ANGPTL3: variants seen among roughly 807,000 people sequenced by gnomAD.
ANGPTL3 encodes the protein angiopoietin like 3.
ANGPTL3 carries 51 observed loss-of-function variants against 52.7 expected under a neutral mutation model. The observed-to-expected ratio is 0.97, with a 90% CI of 0.77 to 1.22. The LOEUF (loss-of-function observed/expected upper bound fraction) is 1.22, where lower values mean the gene tolerates loss of function less well. Ranked by LOEUF, ANGPTL3 falls within the 50% of genes most tolerant of loss-of-function variation. The pLI is 0.00. For missense variants in ANGPTL3, 506 were observed against 520.7 expected, an observed-to-expected ratio of 0.97 and a Z score of 0.27; for synonymous variants, 185 against 179.8, an observed-to-expected ratio of 1.03 and a Z score of -0.23.
Position 62,598,824 on chromosome 1 carries a change from T to G in ANGPTL3, c.606+18T>G. ...AAAATCAGGTAAGTCAGTATTTTAA[T>G]GGTATGTCCCATCTTTCACACAGGT... On this transcript the variant is annotated intron_variant, in intron 2 of 6. Transcript: ENST00000371129. The G allele has an allele frequency of 7.0e-7, 1 of 1,430,338 alleles. No individual in the cohort carries two copies. Among genetic ancestry groups the G allele is most frequent in the Admixed American group, 1.7e-5 (1 of 59,368 alleles). The allele number at this position is 1,430,338 out of a possible 1,614,324, so 88.6% of individuals were successfully genotyped here.
chr1:62,602,700 T>C (rs1650332472), intron 5 of ANGPTL3, among the ~76,000 whole-genome samples: 1 of 151,666 alleles, frequency 6.6e-6, no homozygotes, highest in Admixed American at 6.6e-5. Flanking sequence ...TAGTAACTGT[T>C]ACAAATAAGC....
chr1:62,604,762 C>CTTT lies in ANGPTL3; in HGVS notation c.1329_1330insTTT (p.Ser443_Ile444insPhe), dbSNP rs770867880. 8.7e-6 allele frequency: 14 copies of CTTT among 1,612,872 alleles called. No individual in the cohort carries two copies. Among genetic ancestry groups the CTTT allele is most frequent in the Middle Eastern group, 1.6e-4 (1 of 6,080 alleles). ...AAGTCTCAAAATGGAAGGTTATACT[C>CTTT]TATAAAATCAACCAAAATGTTGATC... On this transcript the variant is annotated inframe_insertion, in exon 7 of 7. Coordinates refer to ENST00000371129, the MANE Select transcript of ANGPTL3 (RefSeq NM_014495.4).
In ANGPTL3 at chr1:62,604,748, T is replaced by G. The variant is rs908659981; in HGVS notation, c.1314T>G (p.Asn438Lys). The change falls in exon 7 of 7, where the codon AAT becomes AAG. Residue 438 changes from asparagine to lysine, a missense_variant. Coordinates refer to ENST00000371129, the MANE Select transcript of ANGPTL3 (RefSeq NM_014495.4). Reference sequence around the variant, plus strand: ...GAGGATTATCTTGGAAGTCTCAAAATGGAAGGTTATACTCTATAAAATCAA... The same window carrying G: ...GAGGATTATCTTGGAAGTCTCAAAAGGGAAGGTTATACTCTATAAAATCAA... ...RRRGLSWKSQNGRLYSIKSTK... is the reference protein window; with the variant it reads ...RRRGLSWKSQKGRLYSIKSTK... 1.2e-6 allele frequency: 2 copies of G among 1,613,074 alleles called. No individual in the cohort carries two copies. Among genetic ancestry groups the G allele is most frequent in the African/African-American group, 1.3e-5 (1 of 74,868 alleles).
At chr1:62,599,393 C>T (rs954121021) in intron 2 of ANGPTL3, among the ~76,000 whole-genome samples, 2 of 151,932 alleles carry the variant, frequency 1.3e-5, no homozygotes, top group South Asian at 2.1e-4. Flanking sequence ...CCCTTAGGGT[C>T]GTTATCAAAC....
At position 62,597,935 on chromosome 1, in the gene ANGPTL3, A is replaced by C. The variant is rs1649526427; in HGVS notation, c.369A>C (p.Lys123Asn). ...VKNMSLELNSKLESLLEEKIL... is the reference protein window; with the variant it reads ...VKNMSLELNSNLESLLEEKIL... ...ATATGTCACTTGAACTCAACTCAAA[A>C]CTTGAAAGCCTCCTAGAAGAAAAAA... Residue 123 changes from lysine (K) to asparagine (N), a missense_variant, in exon 1 of 7, where the codon AAA (lysine) becomes AAC (asparagine). Lys to Asn is a moderately conservative substitution (Grantham distance 94, BLOSUM62 0). Transcript: ENST00000371129. 1 of 1,550,506 alleles carries C rather than the reference A, an allele frequency of 6.4e-7. No individual in the cohort carries two copies. The highest frequency in any genetic ancestry group is 8.6e-7 in the Non-Finnish European group (1 of 1,156,484).
chr1:62,604,944 C>T lies in ANGPTL3; in HGVS notation c.*127C>T, dbSNP rs1032023798. ...ATAGATTTTTTTTATCTTAAAGTCA[C>T]TGTCTATTTAAGATTAAACATACAA... On this transcript the variant is annotated 3_prime_UTR_variant, in exon 7 of 7. Transcript: ENST00000371129. The T allele has an allele frequency of 3.9e-5, 37 of 959,376 alleles. No homozygotes were observed. Among genetic ancestry groups the T allele is most frequent in the Non-Finnish European group, 5.7e-5 (36 of 627,018 alleles). 59.4% of individuals were successfully genotyped at this position (959,376 alleles called of 1,614,324 possible). A position where few individuals can be genotyped will look rare whatever the true frequency, so the allele number is the denominator to read the frequency against.
At position 62,598,395 on chromosome 1, in the gene ANGPTL3, G is replaced by A. The variant is rs551871737; in HGVS notation, c.496-301G>A. ...AAAAAAAATTTAAAACTATTCTCCAGTGTTTAAAACAGATTAAATAATACA... is the reference window on the plus strand; with the variant it reads ...AAAAAAAATTTAAAACTATTCTCCAATGTTTAAAACAGATTAAATAATACA... On this transcript the variant is annotated intron_variant, in intron 1 of 6. Transcript: ENST00000371129. Among the ~76,000 whole-genome samples, 4 of 151,906 alleles carry A rather than the reference G, an allele frequency of 2.6e-5. No individual in the cohort carries two copies. The South Asian group carries it at 6.2e-4, about 24-fold the overall frequency.
chr1:62,600,898 C>T, intron 2 of ANGPTL3, 184 bp from the exon 3 acceptor site: 3 of 509,410 alleles, frequency 5.9e-6, no homozygotes, highest in Non-Finnish European at 1.1e-5. Flanking sequence ...AATAATGTCC[C>T]TGATTAAATA....
In ANGPTL3 at chr1:62,599,716, G is replaced by A. The variant is rs183732854; in HGVS notation, c.606+910G>A. ...TGTAATGTCATATTCACACAGAAGC[G>A]TGTGCTATGATTATTATTACTTGGA... On this transcript the variant is annotated intron_variant, in intron 2 of 6. Coordinates refer to ENST00000371129, the MANE Select transcript of ANGPTL3 (RefSeq NM_014495.4). Among the ~76,000 whole-genome samples, 11 of 152,052 alleles carry A rather than the reference G, an allele frequency of 7.2e-5. No individual in the cohort carries two copies. In the East Asian group the frequency reaches 1.5e-3, roughly 21 times the overall value.
At chr1:62,604,508 C>G in intron 6 of ANGPTL3, 125 bp from the exon 7 acceptor site, 2 of 1,047,480 alleles carry the variant, frequency 1.9e-6, no homozygotes, top group Non-Finnish European at 2.9e-6. Flanking sequence ...TTATTTAAAA[C>G]TGGGATACAT....
At position 62,602,393 on chromosome 1, in the gene ANGPTL3, C is replaced by T. The variant is rs1571724741; in HGVS notation, c.931+13C>T. Reference sequence around the variant, plus strand: ...GGGAGGCTTGATGGTAAGGGGACTACATTCAATCATTCATTCACTTGCTAA... The same window carrying T: ...GGGAGGCTTGATGGTAAGGGGACTATATTCAATCATTCATTCACTTGCTAA... On this transcript the variant is annotated intron_variant, in intron 5 of 6. Transcript: ENST00000371129. The T allele has an allele frequency of 6.3e-7, 1 of 1,595,428 alleles. No individual in the cohort carries two copies.
chr1:62,600,453 A>T (rs1186720257), intron 2 of ANGPTL3, among the ~76,000 whole-genome samples: 1 of 151,842 alleles, frequency 6.6e-6, no homozygotes, highest in Non-Finnish European at 1.5e-5. Context: ...AATGCAAGAT[A>T]TTATATATTC....
Position 62,604,681 on chromosome 1 carries a change from A to C in ANGPTL3, c.1247A>C (p.Lys416Thr), listed in dbSNP as rs775345711. Residue 416 changes from lysine to threonine, a missense_variant, in exon 7 of 7, where the codon AAA becomes ACA. Transcript: ENST00000371129. ...TGTGGAGAAAACAACCTAAATGGTA[A>C]ATATAACAAACCAAGAGCAAAATCT... is the stretch of plus-strand genomic sequence containing the variant. ...DECGENNLNG[K>T]YNKPRAKSKP... is the part of the protein sequence containing the mutation. The C allele has an allele frequency of 6.2e-7, 1 of 1,613,320 alleles. No individual in the cohort carries two copies. The highest frequency in any genetic ancestry group is 8.5e-7 in the Non-Finnish European group (1 of 1,179,432).
chr1:62,597,927 A>G lies in ANGPTL3; in HGVS notation c.361A>G (p.Asn121Asp). The change falls in exon 1 of 7, where the codon AAC (asparagine) becomes GAC (aspartate). Residue 121 changes from asparagine (N) to aspartate (D), a missense_variant. By Grantham distance (23) the Asn-to-Asp change is conservative. Transcript: ENST00000371129. ...GGTAAAGAATATGTCACTTGAACTC[A>G]ACTCAAAACTTGAAAGCCTCCTAGA... ...EEVKNMSLEL[N>D]SKLESLLEEK... 1.9e-6 allele frequency: 3 copies of G among 1,550,670 alleles called. No individual in the cohort carries two copies. The highest frequency in any genetic ancestry group is 2.6e-6 in the Non-Finnish European group (3 of 1,156,250).
rs138806314 is a variant in ANGPTL3 at position 62,601,282 on chromosome 1, T to A, written c.721+86T>A. 21 of 949,154 alleles carry A rather than the reference T, an allele frequency of 2.2e-5. No individual in the cohort carries two copies. The African/African-American group carries it at 3.1e-4, about 14-fold the overall frequency. 58.8% of individuals were successfully genotyped at this position (949,154 alleles called of 1,614,324 possible). A position where few individuals can be genotyped will look rare whatever the true frequency, so the allele number is the denominator to read the frequency against. ...GACTTGTTCTAGACTAAAAGATAGT[T>A]AAGAGATATCCATCAAATACAATGT... On this transcript the variant is annotated intron_variant, in intron 3 of 6. Transcript: ENST00000371129.
intron 4 of ANGPTL3, 49 bp downstream of exon 4, chr1:62,601,931 T>A: frequency 8.5e-7 from 1 of 1,172,256 alleles, no homozygotes; most frequent in Non-Finnish European, 1.3e-6. Context: ...AACTTACTCA[T>A]TACGTATTAG....
chr1:62,597,696 A>C lies in ANGPTL3; in HGVS notation c.130A>C (p.Lys44Gln). The C allele has an allele frequency of 6.2e-7, 1 of 1,613,546 alleles. No homozygotes were observed. The highest frequency in any genetic ancestry group is 8.5e-7 in the Non-Finnish European group (1 of 1,179,710). ...KSRFAMLDDV[K>Q]ILANGLLQLG... ...AAGATTTGCTATGTTAGACGATGTA[A>C]AAATTTTAGCCAATGGCCTCCTTCA... The change falls in exon 1 of 7, where the codon AAA (lysine) becomes CAA (glutamine). Residue 44 changes from lysine (K) to glutamine (Q), a missense_variant. Lys to Gln is a moderately conservative substitution (Grantham distance 53). Transcript: ENST00000371129.
intron 2 of ANGPTL3, among the ~76,000 whole-genome samples, chr1:62,600,481 A>G (rs1035456392): frequency 2.6e-5 from 4 of 151,810 alleles, no homozygotes; most frequent in African/African-American, 4.8e-5. Context: ...CTTACTGTCA[A>G]TGAGAAAAAC....
Position 62,604,014 on chromosome 1 carries a change from A to G in ANGPTL3, c.977A>G (p.Gln326Arg), listed in dbSNP as rs1234180754. The change falls in exon 6 of 7, where the codon CAA becomes CGA. Residue 326 changes from glutamine to arginine, a missense_variant. By Grantham distance (43) the Gln-to-Arg change is conservative (BLOSUM62 1). Transcript: ENST00000371129. ...GLEKIYSIVK[Q>R]SNYVLRIELE... Reference sequence around the variant, plus strand: ...GAGAAGATATACTCCATAGTGAAGCAATCTAATTATGTTTTACGAATTGAG... The same window carrying G: ...GAGAAGATATACTCCATAGTGAAGCGATCTAATTATGTTTTACGAATTGAG... The G allele has an allele frequency of 1.2e-6, 2 of 1,613,036 alleles. No individual in the cohort carries two copies.
Sources: allele counts gnomAD v4.1 joint callset (sites outside exome capture counted in the v4.1 genomes callset), GRCh38; gene constraint gnomAD v4.1.1; transcripts MANE v1.5; gene names NCBI Gene and HGNC (gene_info 2026-07-23, HGNC 2026-07-21).